CPAMD8: variants seen among roughly 807,000 people sequenced by gnomAD.
CPAMD8 encodes the protein C3 and PZP like alpha-2-macroglobulin domain containing 8, also known as C3 and PZP-like alpha-2-macroglobulin domain-containing protein 8.
A neutral mutation model predicts 224.7 loss-of-function variants in CPAMD8; 146 were observed. The ratio of observed to expected loss-of-function variants is 0.65; its 90% confidence interval spans 0.57 to 0.75. The LOEUF (loss-of-function observed/expected upper bound fraction) is 0.75, where lower values mean the gene tolerates loss of function less well. Ranked by LOEUF, CPAMD8 falls within the 30% of genes least tolerant of loss-of-function variation. The probability of loss-of-function intolerance (pLI) is 0.00; values close to 1 mark genes in which losing one functional copy is unlikely to be tolerated. For synonymous variants in CPAMD8, 966 were observed against 1,044.6 expected, an observed-to-expected ratio of 0.92 and a Z score of 1.45; for missense variants, 2,301 against 2,537.5, an observed-to-expected ratio of 0.91 and a Z score of 2.00.
At chr19:16,946,413 A>ACGTG (rs2054089855) in intron 21 of CPAMD8, among the ~76,000 whole-genome samples, 1 of 108,260 alleles carries the variant, frequency 9.2e-6, no homozygotes. Flanking sequence ...ACATGTGGGC[A>ACGTG]TGTGTGTGGA....
intron 23 of CPAMD8, among the ~76,000 whole-genome samples, chr19:16,936,415 G>A (rs2053685148): frequency 6.6e-6 from 1 of 151,782 alleles, no homozygotes; most frequent in Non-Finnish European, 1.5e-5. Context: ...GTTTGTTGTT[G>A]TTGTTGAGAT....
intron 1 of CPAMD8, among the ~76,000 whole-genome samples, chr19:17,025,325 T>C (rs1599944883): frequency 6.6e-6 from 1 of 151,794 alleles, no homozygotes. Context: ...GGCAGGAGAG[T>C]CATTTGAACC....
chr19:16,959,641 AG>A (rs1389142876), intron 18 of CPAMD8, among the ~76,000 whole-genome samples: 1 of 151,174 alleles, frequency 6.6e-6, no homozygotes, highest in Non-Finnish European at 1.5e-5. Flanking sequence ...CCCAGGTTCG[AG>A]CAATTCTCCT....
rs780102176 is a variant in CPAMD8 at position 16,903,785 on chromosome 19, C to G, written c.4324G>C (p.Val1442Leu). Reference sequence around the variant, plus strand: ...TCCAGGTTGGTGGAGGCCAGGGAGACAGTGAGGTTGATGCCTCCAGCATAG... The same window carrying G: ...TCCAGGTTGGTGGAGGCCAGGGAGAGAGTGAGGTTGATGCCTCCAGCATAG... Reference protein sequence around the residue: ...LSYAGGINLTVSLASTNLDYQ... With the variant: ...LSYAGGINLTLSLASTNLDYQ... The change falls in exon 33 of 42, where the codon GTC becomes CTC. Residue 1442 changes from valine (V) to leucine (L), a missense_variant. Physicochemically the swap from Val to Leu is conservative, Grantham distance 32. Around this residue, in one of 4 missense-constraint regions of CPAMD8, gnomAD observed 1,709 missense variants for 1,753.2 expected, o/e 0.97. Coordinates refer to ENST00000443236, the MANE Select transcript of CPAMD8 (RefSeq NM_015692.5). 6.2e-7 allele frequency: 1 copy of G among 1,614,174 alleles called. No individual in the cohort carries two copies. The highest frequency in any genetic ancestry group is 8.5e-7 in the Non-Finnish European group (1 of 1,179,992).
chr19:16,949,135 C>G (rs946484638), intron 20 of CPAMD8, among the ~76,000 whole-genome samples: 1 of 151,986 alleles, frequency 6.6e-6, no homozygotes, highest in Non-Finnish European at 1.5e-5. Context: ...TTTCCAGGTC[C>G]TGAGTGAAAT....
At chr19:16,913,704 G>GA (rs1263066911) in intron 29 of CPAMD8, among the ~76,000 whole-genome samples, 3 of 152,174 alleles carry the variant, frequency 2.0e-5, no homozygotes, top group Non-Finnish European at 4.4e-5. Context: ...AAGGCAAGGG[G>GA]CCCTCTGGAC....
At chr19:16,963,104 A>G (rs1270105299) in intron 18 of CPAMD8, among the ~76,000 whole-genome samples, 1 of 152,214 alleles carries the variant, frequency 6.6e-6, no homozygotes, top group Non-Finnish European at 1.5e-5. Context: ...GATTGTAAAG[A>G]CCGTTGATGC....
At chr19:17,016,165 G>A (rs2056806929) in intron 3 of CPAMD8, among the ~76,000 whole-genome samples, 1 of 152,088 alleles carries the variant, frequency 6.6e-6, no homozygotes, top group Non-Finnish European at 1.5e-5. Context: ...ATGTTGCCCA[G>A]GCTGGTCTCC....
chr19:16,981,156 C>A lies in CPAMD8; in HGVS notation c.1396-470G>T, dbSNP rs113940192. Among the ~76,000 whole-genome samples the A allele has an allele frequency of 9.1e-3, 1,389 of 152,126 alleles. 11 individuals carry two copies. Among genetic ancestry groups the A allele is most frequent in the Middle Eastern group, 0.017 (5 of 294 alleles). On this transcript the variant is annotated intron_variant, in intron 13 of 41. Coordinates refer to ENST00000443236, the MANE Select transcript of CPAMD8 (RefSeq NM_015692.5). ...TCGCTCAAGTCCAGAAGTTAGAGAG[C>A]AGCCTGAGCAACATAGTGAGACCCC...
chr19:16,951,728 G>T (rs1361355202), intron 20 of CPAMD8, among the ~76,000 whole-genome samples: 1 of 152,062 alleles, frequency 6.6e-6, no homozygotes, highest in Non-Finnish European at 1.5e-5. Flanking sequence ...GGCTTTGACG[G>T]TTGGTGAATC....
rs2057099667 is a variant in CPAMD8 at position 17,026,798 on chromosome 19, G to A, written c.-156C>T. On this transcript the variant is annotated 5_prime_UTR_variant, in exon 1 of 42. Coordinates refer to ENST00000443236, the MANE Select transcript of CPAMD8 (RefSeq NM_015692.5). ...CCCGGCGCCATGCGCCCCGCTCCGCGCCCGGCCAAGCTGGGGCAGCCCCGG... is the reference window on the plus strand; with the variant it reads ...CCCGGCGCCATGCGCCCCGCTCCGCACCCGGCCAAGCTGGGGCAGCCCCGG... 6.4e-6 allele frequency: 7 copies of A among 1,086,544 alleles called. No individual in the cohort carries two copies. Among genetic ancestry groups the A allele is most frequent in the South Asian group, 8.6e-5 (2 of 23,262 alleles). The allele number at this position is 1,086,544 out of a possible 1,614,324, so 67.3% of individuals were successfully genotyped here. A position where few individuals can be genotyped will look rare whatever the true frequency, so the allele number is the denominator to read the frequency against.
intron 22 of CPAMD8, among the ~76,000 whole-genome samples, chr19:16,943,324 T>C (rs1039644093): frequency 1.3e-5 from 2 of 152,156 alleles, no homozygotes; most frequent in African/African-American, 4.8e-5. Context: ...CCTGTGTCTG[T>C]CTTCTTTCAC....
intron 3 of CPAMD8, among the ~76,000 whole-genome samples, chr19:17,014,861 C>A (rs1325910869): frequency 1.3e-5 from 2 of 152,166 alleles, no homozygotes; most frequent in Non-Finnish European, 2.9e-5. Flanking sequence ...TGATAGTTAC[C>A]CTCTCAGCCA....
intron 18 of CPAMD8, 131 bp downstream of exon 18, chr19:16,970,760 A>G: frequency 1.2e-6 from 1 of 846,256 alleles, no homozygotes; most frequent in Non-Finnish European, 1.8e-6. Flanking sequence ...AACCATGTGA[A>G]ATAAATTTCA....
At position 16,952,137 on chromosome 19, in the gene CPAMD8, A is replaced by C; in HGVS notation, c.2340T>G (p.Gly780=). ...KVPDSITSWV[G]EAVALSTSQG... ...GAGAGGTGGACAGGGCCACGGCCTC[A>C]CCCACCCAGCTGGTGATGGAGTCCG... Residue 780 remains glycine (G), a synonymous_variant, in exon 20 of 42, where the codon GGT becomes GGG. Transcript: ENST00000443236. The C allele has an allele frequency of 6.4e-7, 1 of 1,552,000 alleles. No individual in the cohort carries two copies. The highest frequency in any genetic ancestry group is 1.7e-4 in the Middle Eastern group (1 of 5,944).
intron 17 of CPAMD8, among the ~76,000 whole-genome samples, chr19:16,974,249 A>G (rs2055173855): frequency 6.6e-6 from 1 of 151,826 alleles, no homozygotes; most frequent in South Asian, 2.1e-4. Context: ...CTCCTGCCTC[A>G]GCCTCCCGAG....
At position 16,914,827 on chromosome 19, in the gene CPAMD8, G is replaced by C; in HGVS notation, c.3630-14C>G. On this transcript the variant is annotated splice_polypyrimidine_tract_variant and intron_variant, in intron 27 of 41. Transcript: ENST00000443236. Reference sequence around the variant, plus strand: ...AAGGCTGTGAGCCTGAAAGAGGACAGGGTGTCAGCTGAGGGGTTGCAGAAT... The same window carrying C: ...AAGGCTGTGAGCCTGAAAGAGGACACGGTGTCAGCTGAGGGGTTGCAGAAT... 1 of 1,590,342 alleles carries C rather than the reference G, an allele frequency of 6.3e-7. No homozygotes were observed. Among genetic ancestry groups the C allele is most frequent in the Non-Finnish European group, 8.6e-7 (1 of 1,166,280 alleles).
At chr19:16,905,338 G>A (rs994861880) in intron 30 of CPAMD8, among the ~76,000 whole-genome samples, 3 of 151,502 alleles carry the variant, frequency 2.0e-5, no homozygotes, top group Non-Finnish European at 4.4e-5. Context: ...CCAGCACTTT[G>A]GGAGGCTGAG....
intron 23 of CPAMD8, 83 bp from the exon 24 acceptor site, chr19:16,929,323 C>G: frequency 8.6e-7 from 1 of 1,166,114 alleles, no homozygotes; most frequent in Non-Finnish European, 1.2e-6. Flanking sequence ...AGGTGAGCAC[C>G]AGGACCACAA....
Sources: allele counts gnomAD v4.1 joint callset (sites outside exome capture counted in the v4.1 genomes callset), GRCh38; gene constraint gnomAD v4.1.1; regional missense constraint gnomAD v4.1.1; transcripts MANE v1.5; gene names NCBI Gene and HGNC (gene_info 2026-07-23, HGNC 2026-07-21).